Variants in CACNA2D3 observed in about 807,000 individuals in gnomAD.
CACNA2D3 encodes the protein calcium voltage-gated channel auxiliary subunit alpha2delta 3.
In CACNA2D3, 60 loss-of-function variants were observed where a neutral mutation model predicts 160.6. That is an observed-to-expected ratio of 0.37 (90% confidence interval 0.30 to 0.46). The LOEUF (loss-of-function observed/expected upper bound fraction) is 0.46. Among genes scored for constraint, CACNA2D3 ranks in the 20% least tolerant of loss-of-function variants. The pLI is 1.00. For synonymous variants in CACNA2D3, 558 were observed against 492.9 expected, an observed-to-expected ratio of 1.13 and a Z score of -1.75; for missense variants, 1,205 against 1,365.0, an observed-to-expected ratio of 0.88 and a Z score of 1.85.
intron 2 of CACNA2D3, among the ~76,000 whole-genome samples, chr3:54,299,553 A>G (rs892707908): frequency 3.9e-5 from 6 of 152,234 alleles, no homozygotes; most frequent in African/African-American, 1.4e-4. Flanking sequence ...AAGGAAGCGT[A>G]ATGGTAACAA....
chr3:54,855,664 C>G (rs1219272902), intron 17 of CACNA2D3, among the ~76,000 whole-genome samples: 3 of 152,160 alleles, frequency 2.0e-5, no homozygotes, highest in African/African-American at 7.2e-5. Flanking sequence ...ATGAGAGACC[C>G]TCTGTCCTTT....
intron 5 of CACNA2D3, among the ~76,000 whole-genome samples, chr3:54,543,444 C>T (rs1029643706): frequency 2.0e-5 from 3 of 152,110 alleles, no homozygotes; most frequent in African/African-American, 7.2e-5. Context: ...AAGAATTTAT[C>T]TTTTAAGGGA....
intron 5 of CACNA2D3, among the ~76,000 whole-genome samples, chr3:54,522,751 A>C (rs1427826420): frequency 1.3e-5 from 2 of 152,136 alleles, no homozygotes; most frequent in Non-Finnish European, 2.9e-5. Flanking sequence ...TCACTCCTGC[A>C]GCAAACCACT....
rs140435677 is a variant in CACNA2D3, at chr3:55,073,663, T to C, written c.3100+106T>C. ...TATTAGAGAAGGAAAATTACATCCT[T>C]TCCACTGTTGGAGAGAGAGAGTAGT... On this transcript the variant is annotated intron_variant, in intron 36 of 37. Coordinates refer to ENST00000474759, the MANE Select transcript of CACNA2D3 (RefSeq NM_018398.3). 220 of 1,238,108 alleles carry C rather than the reference T, an allele frequency of 1.8e-4. No individual in the cohort carries two copies. The African/African-American group carries it at 3.2e-3, about 18-fold the overall frequency. 76.7% of individuals were successfully genotyped at this position (1,238,108 alleles called of 1,614,324 possible).
intron 4 of CACNA2D3, among the ~76,000 whole-genome samples, chr3:54,454,959 G>A (rs1700371711): frequency 2.0e-5 from 3 of 152,130 alleles, no homozygotes; most frequent in Non-Finnish European, 2.9e-5. Flanking sequence ...GTATATAAAT[G>A]TGTATACATT....
Position 55,038,730 on chromosome 3 carries a change from C to A in CACNA2D3, c.2987+20413C>A, listed in dbSNP as rs981887346. On this transcript the variant is annotated intron_variant, in intron 35 of 37. Transcript: ENST00000474759. The stretch of plus-strand genomic sequence containing the variant: ...ACAGGTAGAACAGTTCCATAAAACC[C>A]ACCTTGAGAGGCACTCAGGCTAATA... 2.0e-5 allele frequency among the ~76,000 whole-genome samples: 3 copies of A among 151,684 alleles called. No homozygotes were observed. The East Asian group carries it at 5.8e-4, about 29-fold the overall frequency.
intron 35 of CACNA2D3, among the ~76,000 whole-genome samples, chr3:55,069,849 A>G (rs1320197716): frequency 6.6e-6 from 1 of 152,204 alleles, no homozygotes. Flanking sequence ...ACAATGCTAT[A>G]CATAATGGTC....
chr3:54,663,480 G>T (rs1169663611), intron 11 of CACNA2D3, among the ~76,000 whole-genome samples: 3 of 152,208 alleles, frequency 2.0e-5, no homozygotes, highest in Non-Finnish European at 4.4e-5. Context: ...GAGTCAGGAG[G>T]TTTGTGTGAA....
intron 34 of CACNA2D3, among the ~76,000 whole-genome samples, chr3:55,017,847 T>A (rs1703360529): frequency 6.6e-6 from 1 of 152,240 alleles, no homozygotes; most frequent in Non-Finnish European, 1.5e-5. Flanking sequence ...TCACCCTAAA[T>A]AATATGGTAT....
intron 2 of CACNA2D3, among the ~76,000 whole-genome samples, chr3:54,245,005 C>T (rs35285974): frequency 0.049 from 7,412 of 152,202 alleles, 444 homozygotes; most frequent in East Asian, 0.31. Flanking sequence ...CAGCTTAAAA[C>T]GTGTTGGGTG....
chr3:54,892,673 G>A (rs551982190), intron 25 of CACNA2D3, among the ~76,000 whole-genome samples: 61 of 152,314 alleles, frequency 4.0e-4, no homozygotes, highest in African/African-American at 1.4e-3. Flanking sequence ...GAGGTGCTGA[G>A]ATACACATTG....
chr3:54,541,938 G>A (rs1396038456), intron 5 of CACNA2D3, among the ~76,000 whole-genome samples: 1 of 137,456 alleles, frequency 7.3e-6, no homozygotes, highest in African/African-American at 2.6e-5. Flanking sequence ...GTGTGTGTGG[G>A]TTTTTTTTTT....
chr3:54,971,967 G>T (rs1219561829), intron 29 of CACNA2D3, among the ~76,000 whole-genome samples: 1 of 151,950 alleles, frequency 6.6e-6, no homozygotes, highest in Non-Finnish European at 1.5e-5. Context: ...ATGGCTCCTG[G>T]AAATGATAAG....
intron 4 of CACNA2D3, among the ~76,000 whole-genome samples, chr3:54,495,328 T>C (rs1701186516): frequency 6.6e-6 from 1 of 152,148 alleles, no homozygotes; most frequent in South Asian, 2.1e-4. Flanking sequence ...AATTGAAAGG[T>C]CTTTAGTGAC....
intron 2 of CACNA2D3, among the ~76,000 whole-genome samples, chr3:54,230,394 A>G (rs949803894): frequency 2.6e-5 from 4 of 152,248 alleles, no homozygotes; most frequent in African/African-American, 7.2e-5. Flanking sequence ...TTGCAACCTC[A>G]TAAGAATTAT....
intron 11 of CACNA2D3, among the ~76,000 whole-genome samples, chr3:54,730,213 G>A (rs1381971695): frequency 1.3e-5 from 2 of 152,112 alleles, no homozygotes; most frequent in African/African-American, 4.8e-5. Flanking sequence ...TTAGAGCATA[G>A]TAATGAACAA....
Position 55,064,176 on chromosome 3 carries a change from A to C in CACNA2D3, c.2988-9269A>C, listed in dbSNP as rs1025589338. ...CGAGGTGCTGTGTCCTGGCTGGAGG[A>C]GGGGACTGAATCTCCCCTTGCCAGG... On this transcript the variant is annotated intron_variant, in intron 35 of 37. Coordinates refer to ENST00000474759, the MANE Select transcript of CACNA2D3 (RefSeq NM_018398.3). 4.7e-4 allele frequency among the ~76,000 whole-genome samples: 72 copies of C among 152,308 alleles called. 1 individual carries two copies. The highest frequency in any genetic ancestry group is 1.6e-3 in the African/African-American group (67 of 41,584).
intron 26 of CACNA2D3, among the ~76,000 whole-genome samples, chr3:54,897,198 A>T (rs569532770): frequency 4.5e-4 from 69 of 152,308 alleles, no homozygotes; most frequent in African/African-American, 1.4e-3. Context: ...AAATTCAAGC[A>T]TCCCTTGCCA....
At chr3:54,496,765 G>T (rs145901844) in intron 4 of CACNA2D3, among the ~76,000 whole-genome samples, 112 of 152,222 alleles carry the variant, frequency 7.4e-4, no homozygotes, top group African/African-American at 2.4e-3. Context: ...TACAGATTTA[G>T]TTTTTACATT....
Sources: allele counts gnomAD v4.1 joint callset (sites outside exome capture counted in the v4.1 genomes callset), GRCh38; gene constraint gnomAD v4.1.1; transcripts MANE v1.5; gene names NCBI Gene and HGNC (gene_info 2026-07-23, HGNC 2026-07-21).